NOS1AP: variants seen among roughly 807,000 people sequenced by gnomAD.
NOS1AP encodes nitric oxide synthase 1 adaptor protein.
Under a neutral mutation model 56.2 loss-of-function variants are expected in NOS1AP, and 21 were observed. The observed-to-expected ratio is 0.37, with a 90% CI of 0.26 to 0.54. The LOEUF is 0.54. Among genes scored for constraint, NOS1AP ranks in the 20% least tolerant of loss-of-function variants. The pLI is 0.84. For missense variants in NOS1AP, 522 were observed against 657.8 expected, an observed-to-expected ratio of 0.79 and a Z score of 2.26; for synonymous variants, 270 against 274.6, an observed-to-expected ratio of 0.98 and a Z score of 0.17.
At chr1:162,294,216 GAAGGAAGGAAGA>G (rs1557866985) in intron 3 of NOS1AP, among the ~76,000 whole-genome samples, 100 of 148,866 alleles carry the variant, frequency 6.7e-4, no homozygotes, top group African/African-American at 2.3e-3. Context: ...AGGAAGGAAG[GAAGGAAGGAAGA>G]AAGAAAGGAA....
chr1:162,257,470 G>T (rs904946704), intron 2 of NOS1AP, among the ~76,000 whole-genome samples: 4 of 152,012 alleles, frequency 2.6e-5, no homozygotes, highest in Non-Finnish European at 5.9e-5. Flanking sequence ...GCAACATGAC[G>T]AAACCCTGTC....
At chr1:162,225,472 C>T (rs2101662311) in intron 2 of NOS1AP, among the ~76,000 whole-genome samples, 1 of 152,306 alleles carries the variant, frequency 6.6e-6, no homozygotes, top group African/African-American at 2.4e-5. Context: ...CCACAGTGCA[C>T]AGTGCCTCTT....
intron 1 of NOS1AP, among the ~76,000 whole-genome samples, chr1:162,100,884 G>A (rs936469691): frequency 2.0e-5 from 3 of 151,988 alleles, no homozygotes; most frequent in Admixed American, 2.0e-4. Context: ...CATTCTCTAG[G>A]TTCTCTCTTT....
intron 7 of NOS1AP, 34 bp downstream of exon 7, chr1:162,355,387 A>G (rs372452147): frequency 3.7e-5 from 60 of 1,613,186 alleles, no homozygotes; most frequent in Non-Finnish European, 3.7e-5. Context: ...TGTGATCTGC[A>G]CACGTGTGCC....
intron 2 of NOS1AP, among the ~76,000 whole-genome samples, chr1:162,222,384 C>T (rs1013354519): frequency 6.6e-6 from 1 of 152,160 alleles, no homozygotes; most frequent in African/African-American, 2.4e-5. Flanking sequence ...TTTTACTTGA[C>T]TGATGTTAAT....
chr1:162,344,421 G>A (rs544613801), intron 6 of NOS1AP, among the ~76,000 whole-genome samples: 24 of 151,478 alleles, frequency 1.6e-4, no homozygotes, highest in South Asian at 4.2e-4. Context: ...GAGGCCGGGC[G>A]CAGTGTCTCA....
chr1:162,097,313 G>A (rs1012748896), intron 1 of NOS1AP, among the ~76,000 whole-genome samples: 1 of 152,288 alleles, frequency 6.6e-6, no homozygotes. Context: ...TCTCAGTTAT[G>A]TGTATAACAA....
chr1:162,095,568 G>C (rs1011489796), intron 1 of NOS1AP, among the ~76,000 whole-genome samples: 1 of 152,206 alleles, frequency 6.6e-6, no homozygotes, highest in African/African-American at 2.4e-5. Flanking sequence ...GTAATTGATA[G>C]AGCTAATTCA....
intron 8 of NOS1AP, chr1:162,364,564 G>A: frequency 1.0e-6 from 1 of 985,488 alleles, no homozygotes; most frequent in Non-Finnish European, 1.2e-6. Context: ...CAAGCATGCT[G>A]AATGCATTGC....
chr1:162,125,933 T>A (rs1277217848), intron 1 of NOS1AP, among the ~76,000 whole-genome samples: 2 of 152,212 alleles, frequency 1.3e-5, no homozygotes, highest in African/African-American at 4.8e-5. Flanking sequence ...TTTGTTTGTG[T>A]CATCTATGAT....
At chr1:162,197,305 G>T (rs1651840741) in intron 2 of NOS1AP, among the ~76,000 whole-genome samples, 1 of 152,202 alleles carries the variant, frequency 6.6e-6, no homozygotes, top group South Asian at 2.1e-4. Context: ...CTTGTTTTGT[G>T]TGGCCATGCT....
At chr1:162,266,476 A>G (rs1654428553) in intron 2 of NOS1AP, among the ~76,000 whole-genome samples, 1 of 152,218 alleles carries the variant, frequency 6.6e-6, no homozygotes, top group Non-Finnish European at 1.5e-5. Flanking sequence ...GCCTGGTAAG[A>G]AAATTCTTCC....
At chr1:162,191,852 A>C (rs1229849473) in intron 2 of NOS1AP, among the ~76,000 whole-genome samples, 1 of 152,160 alleles carries the variant, frequency 6.6e-6, no homozygotes, top group East Asian at 1.9e-4. Flanking sequence ...GTATTACCCT[A>C]CTCATGTAGA....
chr1:162,352,313 C>T (rs1390082196), intron 6 of NOS1AP, among the ~76,000 whole-genome samples: 1 of 152,078 alleles, frequency 6.6e-6, no homozygotes, highest in African/African-American at 2.4e-5. Flanking sequence ...CCCACCCCGG[C>T]CTCCCAAAGT....
rs115698131 is a variant in NOS1AP at position 162,233,372 on chromosome 1, G to A, written c.178-53972G>A. Among the ~76,000 whole-genome samples, 942 of 152,282 alleles carry A rather than the reference G, an allele frequency of 6.2e-3. 12 individuals are homozygous for A. The highest frequency in any genetic ancestry group is 0.02 in the African/African-American group (848 of 41,540). Reference sequence around the variant, plus strand: ...CTGTGGCTCTGACTCTCCCAGGAGGGTCAGACTACCCTAGACTCTAACCTG... The same window carrying A: ...CTGTGGCTCTGACTCTCCCAGGAGGATCAGACTACCCTAGACTCTAACCTG... On this transcript the variant is annotated intron_variant, in intron 2 of 9. Transcript: ENST00000361897.
chr1:162,210,552 G>C (rs949872909), intron 2 of NOS1AP, among the ~76,000 whole-genome samples: 2 of 152,128 alleles, frequency 1.3e-5, no homozygotes, highest in African/African-American at 4.8e-5. Context: ...ATCTTTCTGT[G>C]AAGTCCTTGC....
intron 2 of NOS1AP, among the ~76,000 whole-genome samples, chr1:162,280,878 T>C (rs1654902328): frequency 6.6e-6 from 1 of 152,184 alleles, no homozygotes; most frequent in Non-Finnish European, 1.5e-5. Context: ...CAAACTTTGG[T>C]GTTGGTCATG....
intron 8 of NOS1AP, among the ~76,000 whole-genome samples, chr1:162,360,379 C>T (rs1469428758): frequency 3.9e-5 from 6 of 152,258 alleles, no homozygotes; most frequent in Admixed American, 1.3e-4. Context: ...AGCTAAGCCT[C>T]GAAGCGAAGC....
chr1:162,323,633 G>A (rs1656486752), intron 4 of NOS1AP, among the ~76,000 whole-genome samples: 1 of 152,184 alleles, frequency 6.6e-6, no homozygotes, highest in African/African-American at 2.4e-5. Context: ...ATTCTTCTTT[G>A]ATCACTTCAA....
Sources: gnomAD v4.1 joint callset for allele counts (sites outside exome capture counted in the v4.1 genomes callset) on GRCh38, gnomAD v4.1.1 for gene constraint, MANE v1.5 for transcripts, NCBI Gene and HGNC (gene_info 2026-07-23, HGNC 2026-07-21) for gene names.